Variants in RRBP1 observed in about 807,000 individuals in gnomAD.
RRBP1 encodes the protein ribosome-binding protein 1.
A neutral mutation model predicts 165.2 loss-of-function variants in RRBP1; 94 were observed. The observed-to-expected ratio is 0.57, with a 90% CI of 0.48 to 0.68. The LOEUF (loss-of-function observed/expected upper bound fraction) is 0.68, where lower values mean the gene tolerates loss of function less well. Among genes scored for constraint, RRBP1 ranks in the 30% least tolerant of loss-of-function variants. The pLI, the probability that RRBP1 is intolerant of heterozygous loss-of-function variation, is 0.00. For synonymous variants in RRBP1, 680 were observed against 714.5 expected, an observed-to-expected ratio of 0.95 and a Z score of 0.77; for missense variants, 1,676 against 1,763.0, an observed-to-expected ratio of 0.95 and a Z score of 0.88.
At chr20:17,645,756 T>C (rs1447643597) in intron 3 of RRBP1, among the ~76,000 whole-genome samples, 2 of 152,224 alleles carry the variant, frequency 1.3e-5, no homozygotes, top group African/African-American at 2.4e-5. Context: ...ATACCAGTAA[T>C]CTTCCGAATT....
Position 17,659,661 on chromosome 20 carries a change from C to T in RRBP1, c.847G>A (p.Glu283Lys), listed in dbSNP as rs758034729. 2 of 1,550,540 alleles carry T rather than the reference C, an allele frequency of 1.3e-6. No homozygotes were observed. The highest frequency in any genetic ancestry group is 3.9e-5 in the Admixed American group (2 of 51,000). The part of the protein sequence containing the change: ...DTTPNQGKKV[E>K]GAPTQGRKAE... The stretch of plus-strand genomic sequence containing the variant: ...TTTCTGCCCTGGGTTGGGGCCCCCT[C>T]CACCTTTTTCCCCTGGTTTGGGGTT... Residue 283 changes from glutamate to lysine, a missense_variant, in exon 3 of 25, where the codon GAG becomes AAG. Coordinates refer to ENST00000377813, the MANE Select transcript of RRBP1 (RefSeq NM_001365613.2).
At position 17,625,440 on chromosome 20, in the gene RRBP1, T is replaced by C. The variant is rs2035998267; in HGVS notation, c.3054+72A>G. 4 of 1,359,694 alleles carry C rather than the reference T, an allele frequency of 2.9e-6. No homozygotes were observed. The Admixed American group carries it at 5.1e-5, about 17-fold the overall frequency. The allele number at this position is 1,359,694 out of a possible 1,614,324, so 84.2% of individuals were successfully genotyped here. On this transcript the variant is annotated intron_variant, in intron 12 of 24. Coordinates refer to ENST00000377813, the MANE Select transcript of RRBP1 (RefSeq NM_001365613.2). ...CCCCGAGTCCAGGGCGGGTGCCACA[T>C]AGCAGAACCTTTCCCGGCCCCACCT...
At chr20:17,614,919 C>T (rs201623499) in intron 23 of RRBP1, 39 bp from the exon 24 acceptor site, 11 of 1,605,944 alleles carry the variant, frequency 6.8e-6, no homozygotes, top group Middle Eastern at 1.7e-4. Flanking sequence ...GCCCTTGCAC[C>T]GGCAGGAGGG....
At chr20:17,620,472 C>T (rs1302055531) in intron 17 of RRBP1, 102 bp from the exon 18 acceptor site, 2 of 1,067,824 alleles carry the variant, frequency 1.9e-6, no homozygotes, top group Admixed American at 3.4e-5. Flanking sequence ...CTTAGGAAGC[C>T]CCGGGGGTGC....
At position 17,616,810 on chromosome 20, in the gene RRBP1, G is replaced by A. The variant is rs559756601; in HGVS notation, c.3789C>T (p.Ser1263=). 199 of 1,613,114 alleles carry A rather than the reference G, an allele frequency of 1.2e-4. 1 individual carries two copies. The South Asian group carries it at 2.1e-3, about 17-fold the overall frequency. ...LVRQQLSEMK[S]HVEDGDIAGA... is the part of the protein sequence containing the mutation. ...CAGCTATGTCACCATCCTCTACGTG[G>A]CTCTTCATTTCACTCAACTGCTGCC... Residue 1263 remains serine, a synonymous_variant, in exon 21 of 25, where the codon AGC becomes AGT. Transcript: ENST00000377813.
chr20:17,622,311 C>G (rs1191937247), intron 13 of RRBP1, among the ~76,000 whole-genome samples: 1 of 152,096 alleles, frequency 6.6e-6, no homozygotes, highest in Non-Finnish European at 1.5e-5. Context: ...TTTGGGGGGT[C>G]CGCAGTTGAT....
intron 3 of RRBP1, among the ~76,000 whole-genome samples, chr20:17,650,991 G>A (rs916770813): frequency 2.6e-5 from 4 of 152,154 alleles, no homozygotes; most frequent in Non-Finnish European, 2.9e-5. Flanking sequence ...GTTAACTATC[G>A]GAGAACAAAC....
Position 17,630,929 on chromosome 20 carries a change from TGGAGCTGGGGTAACTGCTCAGATGA to T in RRBP1, c.2611-993_2611-969del, listed in dbSNP as rs935759957. The stretch of plus-strand genomic sequence containing the variant: ...CTTTTAGGGCAATGGCTGCACAACC[TGGAGCTGGGGTAACTGCTCAGATGA>T]GCACCATCCGGGCAGAGGCGTGGCT... On this transcript the variant is annotated intron_variant, in intron 8 of 24. Transcript: ENST00000377813. Among the ~76,000 whole-genome samples the T allele has an allele frequency of 4.6e-5, 7 of 152,228 alleles. No homozygotes were observed. In the South Asian group the frequency reaches 1.0e-3, roughly 22 times the overall value.
At chr20:17,673,367 T>G (rs1288127491) in intron 2 of RRBP1, among the ~76,000 whole-genome samples, 1 of 152,152 alleles carries the variant, frequency 6.6e-6, no homozygotes, top group Non-Finnish European at 1.5e-5. Flanking sequence ...CCCACAGCCC[T>G]TTATAGTCCT....
intron 3 of RRBP1, among the ~76,000 whole-genome samples, chr20:17,651,061 T>C (rs1223371986): frequency 6.6e-6 from 1 of 151,328 alleles, no homozygotes; most frequent in Non-Finnish European, 1.5e-5. Context: ...GAAGCTTCCA[T>C]TCTGGGGAAT....
chr20:17,668,813 C>T (rs2036919232), intron 2 of RRBP1, among the ~76,000 whole-genome samples: 1 of 152,234 alleles, frequency 6.6e-6, no homozygotes, highest in African/African-American at 2.4e-5. Context: ...TACCGCACCC[C>T]TACCCCTGTC....
intron 2 of RRBP1, among the ~76,000 whole-genome samples, chr20:17,664,679 G>A (rs990579733): frequency 9.8e-5 from 15 of 152,322 alleles, no homozygotes; most frequent in African/African-American, 3.1e-4. Flanking sequence ...AGCCAGTTGG[G>A]TCCAATTTGG....
In RRBP1 at chr20:17,614,120, G is replaced by T; in HGVS notation, c.*62C>A. On this transcript the variant is annotated 3_prime_UTR_variant, in exon 25 of 25. Transcript: ENST00000377813. Reference sequence around the variant, plus strand: ...GCTGTGTAGGTTGGTTGGTTTATTTGTAAGGAATGTGTAAGGCATTTTGGT... The same window carrying T: ...GCTGTGTAGGTTGGTTGGTTTATTTTTAAGGAATGTGTAAGGCATTTTGGT... 7 of 1,543,394 alleles carry T rather than the reference G, an allele frequency of 4.5e-6. No homozygotes were observed. The Admixed American group carries it at 5.0e-5, about 11-fold the overall frequency.
chr20:17,632,347 A>G (rs934566305), intron 8 of RRBP1, among the ~76,000 whole-genome samples: 1 of 152,308 alleles, frequency 6.6e-6, no homozygotes, highest in East Asian at 1.9e-4. Flanking sequence ...GACCAAGCCC[A>G]GTTCCAGGCC....
At chr20:17,619,479 C>T (rs1163584028) in intron 19 of RRBP1, 154 bp downstream of exon 19, 5 of 539,152 alleles carry the variant, frequency 9.3e-6, no homozygotes, top group East Asian at 3.2e-5. Flanking sequence ...GACAGCCCAA[C>T]GAGGGGCCTG....
intron 5 of RRBP1, among the ~76,000 whole-genome samples, chr20:17,637,034 C>A (rs2036261407): frequency 6.6e-6 from 1 of 152,212 alleles, no homozygotes; most frequent in Non-Finnish European, 1.5e-5. Flanking sequence ...CTCTCCAGGG[C>A]ACTGGCTCGG....
intron 2 of RRBP1, among the ~76,000 whole-genome samples, chr20:17,675,761 G>A (rs1314713822): frequency 6.6e-6 from 1 of 152,238 alleles, no homozygotes; most frequent in Non-Finnish European, 1.5e-5. Context: ...AGTGAAGCTA[G>A]AGCGAAAGTG....
chr20:17,673,114 A>G (rs772027005), intron 2 of RRBP1, among the ~76,000 whole-genome samples: 3 of 152,210 alleles, frequency 2.0e-5, no homozygotes, highest in Non-Finnish European at 4.4e-5. Flanking sequence ...TTTTCTGTAT[A>G]TATTTTACTT....
chr20:17,679,324 A>G (rs2037137543), intron 2 of RRBP1, among the ~76,000 whole-genome samples: 1 of 152,260 alleles, frequency 6.6e-6, no homozygotes, highest in African/African-American at 2.4e-5. Flanking sequence ...CGCCTGGTAT[A>G]ACCAATATTT....
Sources: gnomAD v4.1 joint callset for allele counts (sites outside exome capture counted in the v4.1 genomes callset) on GRCh38, gnomAD v4.1.1 for gene constraint, MANE v1.5 for transcripts, NCBI Gene and HGNC (gene_info 2026-07-23, HGNC 2026-07-21) for gene names.